The following PLSCR2 variants were observed in gnomAD, a reference collection of about 807,000 sequenced individuals.
PLSCR2 encodes phospholipid scramblase 2.
PLSCR2 carries 18 observed loss-of-function variants against 25.3 expected under a neutral mutation model. The ratio of observed to expected loss-of-function variants is 0.71; its 90% CI spans 0.49 to 1.06. The LOEUF is 1.06. PLSCR2 is among the 50% of genes least tolerant of loss of function. The pLI, the probability that PLSCR2 is intolerant of heterozygous loss-of-function variation, is 0.00. For missense variants in PLSCR2, 243 were observed against 269.5 expected, an observed-to-expected ratio of 0.90 and a Z score of 0.69; for synonymous variants, 88 against 87.3, an observed-to-expected ratio of 1.01 and a Z score of -0.04.
At chr3:146,458,374 T>G (rs1394545743) in intron 3 of PLSCR2, 37 bp downstream of exon 3, 11 of 1,460,662 alleles carry the variant, frequency 7.5e-6, no homozygotes, top group Non-Finnish European at 9.2e-6. Context: ...AAACTTCTTC[T>G]CTTTTTAGAA....
intron 2 of PLSCR2, among the ~76,000 whole-genome samples, chr3:146,426,170 T>A (rs2039338755): frequency 1.3e-5 from 2 of 148,636 alleles, no homozygotes; most frequent in Admixed American, 1.3e-4. Context: ...CCCCCCTTTA[T>A]TTTCCTTCCT....
At chr3:146,421,732 G>A (rs1022622253) in intron 2 of PLSCR2, among the ~76,000 whole-genome samples, 18 of 152,058 alleles carry the variant, frequency 1.2e-4, no homozygotes, top group East Asian at 1.9e-4. Context: ...TTTATAAGTC[G>A]TCTGCTTCTG....
chr3:146,482,252 G>C (rs1268602353), intron 1 of PLSCR2, among the ~76,000 whole-genome samples: 1 of 152,126 alleles, frequency 6.6e-6, no homozygotes, highest in Non-Finnish European at 1.5e-5. Flanking sequence ...AAGAGCTTCT[G>C]TATGGCAAAA....
intron 1 of PLSCR2, among the ~76,000 whole-genome samples, chr3:146,488,506 G>T (rs2043427669): frequency 6.6e-6 from 1 of 152,050 alleles, no homozygotes; most frequent in Non-Finnish European, 1.5e-5. Context: ...CCATCAAAAA[G>T]TGGGCAAAGG....
At chr3:146,461,902 C>T (rs1224455308), upstream of PLSCR2, 1 of 1,512,968 alleles carries the variant, frequency 6.6e-7, no homozygotes, top group Non-Finnish European at 8.9e-7. Context: ...TCAGGAGTGC[C>T]CAGTACTGGA....
chr3:146,429,357 C>T (rs1451030082), downstream of PLSCR2, among the ~76,000 whole-genome samples: 2 of 152,108 alleles, frequency 1.3e-5, no homozygotes, highest in African/African-American at 4.8e-5. Context: ...ATGCAAACAG[C>T]GAAGGTCGGG....
Position 146,416,140 on chromosome 3 carries a change from C to T in PLSCR2, c.101-20219G>A, listed in dbSNP as rs1019733767. ...TAATTTTTTGTATTTTTAGTAGAGACGGGGTTTCACCGTGTTAGCCAGGAT... is the reference window on the plus strand; with the variant it reads ...TAATTTTTTGTATTTTTAGTAGAGATGGGGTTTCACCGTGTTAGCCAGGAT... On this transcript the variant is annotated intron_variant and NMD_transcript_variant, in intron 2 of 3. Coordinates refer to the PLSCR2 transcript ENST00000463633. Among the ~76,000 whole-genome samples the T allele has an allele frequency of 2.6e-5, 4 of 151,828 alleles. No individual in the cohort carries two copies. In the East Asian group the frequency reaches 5.8e-4, roughly 22 times the overall value.
At chr3:146,477,633 A>G (rs2042333762) in intron 1 of PLSCR2, among the ~76,000 whole-genome samples, 1 of 152,208 alleles carries the variant, frequency 6.6e-6, no homozygotes, top group East Asian at 1.9e-4. Context: ...TACAGCCTCT[A>G]TAGATTTCAC....
intron 2 of PLSCR2, among the ~76,000 whole-genome samples, chr3:146,404,243 A>C (rs1409817369): frequency 1.3e-5 from 2 of 152,176 alleles, no homozygotes; most frequent in African/African-American, 4.8e-5. Flanking sequence ...TAAAAAGAAA[A>C]TTTTATATTT....
intron 2 of PLSCR2, among the ~76,000 whole-genome samples, chr3:146,405,775 G>A (rs532449106): frequency 3.3e-5 from 5 of 152,312 alleles, no homozygotes; most frequent in Admixed American, 2.0e-4. Flanking sequence ...CTAACCATGA[G>A]TTCCAGTTGA....
At chr3:146,461,294 T>C (rs1040359705), upstream of PLSCR2, among the ~76,000 whole-genome samples, 2 of 152,192 alleles carry the variant, frequency 1.3e-5, no homozygotes, top group African/African-American at 2.4e-5. Context: ...CAGGCTCATA[T>C]ACTAATAAAA....
chr3:146,419,035 A>G (rs574273157), intron 2 of PLSCR2, among the ~76,000 whole-genome samples: 18 of 152,254 alleles, frequency 1.2e-4, no homozygotes, highest in Non-Finnish European at 2.4e-4. Context: ...GTCTTGTGCA[A>G]TCTGGATAAG....
At chr3:146,477,227 G>A (rs2042319554) in intron 1 of PLSCR2, among the ~76,000 whole-genome samples, 1 of 152,200 alleles carries the variant, frequency 6.6e-6, no homozygotes, top group Admixed American at 6.5e-5. Context: ...ATCTCATTGG[G>A]ACTGGTTGGA....
intron 1 of PLSCR2, among the ~76,000 whole-genome samples, chr3:146,479,240 C>T (rs534285563): frequency 1.4e-4 from 21 of 152,238 alleles, no homozygotes. Context: ...TCACACATAA[C>T]AATATTAACC....
intron 2 of PLSCR2, among the ~76,000 whole-genome samples, chr3:146,410,811 T>A (rs2038821894): frequency 6.6e-6 from 1 of 152,082 alleles, no homozygotes; most frequent in South Asian, 2.1e-4. Flanking sequence ...GGGGAAGGGG[T>A]CCCATGATGG....
intron 2 of PLSCR2, among the ~76,000 whole-genome samples, chr3:146,412,752 G>T (rs541758937): frequency 1.3e-5 from 2 of 152,220 alleles, no homozygotes; most frequent in Non-Finnish European, 2.9e-5. Context: ...CTACTGCTGT[G>T]TCGTTCCCCT....
At chr3:146,395,554 T>A (rs1023816040) in intron 3 of PLSCR2, among the ~76,000 whole-genome samples, 1 of 152,242 alleles carries the variant, frequency 6.6e-6, no homozygotes, top group African/African-American at 2.4e-5. Context: ...GATTTAAACC[T>A]GAATCATCAT....
intron 2 of PLSCR2, among the ~76,000 whole-genome samples, chr3:146,426,274 TTTTC>T (rs763870114): frequency 1.5e-4 from 17 of 117,198 alleles, no homozygotes; most frequent in South Asian, 6.1e-4. Flanking sequence ...TCCTTCCTTC[TTTTC>T]TTCCTTCCTT....
At chr3:146,471,639 T>G (rs2108498939) in intron 1 of PLSCR2, among the ~76,000 whole-genome samples, 1 of 151,124 alleles carries the variant, frequency 6.6e-6, no homozygotes, top group African/African-American at 2.4e-5. Flanking sequence ...CGATCTCAGC[T>G]CACTGCACAC....
Sources: allele counts gnomAD v4.1 joint callset (sites outside exome capture counted in the v4.1 genomes callset), GRCh38; gene constraint gnomAD v4.1.1; transcripts MANE v1.5; gene names NCBI Gene and HGNC (gene_info 2026-07-23, HGNC 2026-07-21).